Variants in GNAO1 observed in about 807,000 individuals in gnomAD.
GNAO1 encodes the protein guanine nucleotide-binding protein G(o) subunit alpha.
For missense variants in GNAO1, 166 were observed against 478.7 expected, an observed-to-expected ratio of 0.35 and a Z score of 6.10; for synonymous variants, 164 against 180.7, an observed-to-expected ratio of 0.91 and a Z score of 0.74.
intron 2 of GNAO1, among the ~76,000 whole-genome samples, chr16:56,247,622 A>G (rs1434416373): frequency 1.3e-5 from 2 of 151,730 alleles, no homozygotes; most frequent in South Asian, 2.1e-4. Context: ...AAATAATTGG[A>G]TTAGAATGGA....
chr16:56,254,376 G>A (rs2036827694), intron 2 of GNAO1, among the ~76,000 whole-genome samples: 1 of 151,888 alleles, frequency 6.6e-6, no homozygotes, highest in Admixed American at 6.6e-5. Flanking sequence ...AGTTTCTGAT[G>A]GTCATTAATG....
At chr16:56,278,610 A>G (rs2037086111) in intron 3 of GNAO1, among the ~76,000 whole-genome samples, 1 of 152,160 alleles carries the variant, frequency 6.6e-6, no homozygotes, top group African/African-American at 2.4e-5. Context: ...CCATGTTCTC[A>G]TGGAGCTTCC....
chr16:56,204,574 T>C (rs2036308633), intron 2 of GNAO1, among the ~76,000 whole-genome samples: 1 of 151,890 alleles, frequency 6.6e-6, no homozygotes, highest in African/African-American at 2.4e-5. Flanking sequence ...CCTGCCACAG[T>C]GGATCCCCAG....
intron 6 of GNAO1, chr16:56,345,812 G>A (rs967597135): frequency 3.0e-5 from 30 of 985,438 alleles, no homozygotes; most frequent in African/African-American, 1.0e-4. Flanking sequence ...CAGTTGTTCC[G>A]CTTACTCTGC....
intron 3 of GNAO1, among the ~76,000 whole-genome samples, chr16:56,285,971 C>T (rs571705892): frequency 1.4e-4 from 21 of 152,276 alleles, no homozygotes; most frequent in Non-Finnish European, 1.8e-4. Context: ...CCTAGGAAAC[C>T]AGGAAGGTAG....
chr16:56,250,744 C>T (rs868516401), intron 2 of GNAO1, among the ~76,000 whole-genome samples: 3 of 152,034 alleles, frequency 2.0e-5, no homozygotes, highest in Non-Finnish European at 4.4e-5. Context: ...ATGTTAACTT[C>T]ACTCTCAGGT....
chr16:56,284,872 A>G (rs1053942321), intron 3 of GNAO1, among the ~76,000 whole-genome samples: 10 of 152,212 alleles, frequency 6.6e-5, no homozygotes, highest in Admixed American at 6.5e-4. Context: ...GATGCAGAAT[A>G]TGCTTCTTTC....
intron 3 of GNAO1, among the ~76,000 whole-genome samples, chr16:56,297,186 G>C (rs1186951045): frequency 6.6e-6 from 1 of 152,110 alleles, no homozygotes; most frequent in Non-Finnish European, 1.5e-5. Flanking sequence ...GCTTGCTTGA[G>C]GCAAGATCCA....
intron 8 of GNAO1, chr16:56,355,559 T>C (rs1389589435): frequency 6.6e-6 from 1 of 152,256 alleles, no homozygotes; most frequent in Non-Finnish European, 1.5e-5. Context: ...TCCAGACCCT[T>C]TCAGAAATGG....
At chr16:56,296,989 G>C (rs2037293446) in intron 3 of GNAO1, among the ~76,000 whole-genome samples, 1 of 152,156 alleles carries the variant, frequency 6.6e-6, no homozygotes, top group South Asian at 2.1e-4. Flanking sequence ...CTCCCAGTTA[G>C]AGCCCTTTGG....
intron 2 of GNAO1, among the ~76,000 whole-genome samples, chr16:56,202,813 T>G (rs1246020251): frequency 6.6e-6 from 1 of 152,238 alleles, no homozygotes; most frequent in Non-Finnish European, 1.5e-5. Context: ...TTAAAACCAC[T>G]CATTTATTCA....
At position 56,295,022 on chromosome 16, in the gene GNAO1, A is replaced by G. The variant is rs189113460; in HGVS notation, c.303+18950A>G. 1.3e-4 allele frequency among the ~76,000 whole-genome samples: 20 copies of G among 152,178 alleles called. No individual in the cohort carries two copies. In the East Asian group the frequency reaches 2.7e-3, roughly 21 times the overall value. ...ATATCCCTGATACAAGTTCCTTGTC[A>G]GTTATATGTACTATTTCATATTTTC... On this transcript the variant is annotated intron_variant, in intron 3 of 8. Transcript: ENST00000262493.
At chr16:56,345,745 C>T in intron 6 of GNAO1, 3 of 985,566 alleles carry the variant, frequency 3.0e-6, no homozygotes, top group Non-Finnish European at 2.4e-6. Flanking sequence ...CTAAGCCATC[C>T]CGCCCAACAC....
In GNAO1 at chr16:56,346,597, C is replaced by T. The variant is rs1476786183; in HGVS notation, c.724-4787C>T. ...GCCTGAGGAGGGTGTGGGGTCTGCC[C>T]AGCCCCAAGCAGAGAGCACAGTCTG... On this transcript the variant is annotated intron_variant, in intron 6 of 8. Coordinates refer to ENST00000262493, the MANE Select transcript of GNAO1 (RefSeq NM_020988.3). 3 of 985,232 alleles carry T rather than the reference C, an allele frequency of 3.0e-6. No individual in the cohort carries two copies. In the East Asian group the frequency reaches 3.4e-4, roughly 112 times the overall value. The allele number at this position is 985,232 out of a possible 1,614,324, so 61.0% of individuals were successfully genotyped here.
At chr16:56,200,806 T>G (rs548061881) in intron 2 of GNAO1, among the ~76,000 whole-genome samples, 1 of 152,302 alleles carries the variant, frequency 6.6e-6, no homozygotes, top group African/African-American at 2.4e-5. Context: ...TCATCATATA[T>G]CACATTGATT....
intron 4 of GNAO1, among the ~76,000 whole-genome samples, chr16:56,332,318 A>G (rs1193447938): frequency 6.6e-6 from 1 of 151,868 alleles, no homozygotes; most frequent in Non-Finnish European, 1.5e-5. Context: ...TGGCCCCTCC[A>G]CGTGTGCTTC....
At chr16:56,213,889 G>A (rs2036415458) in intron 2 of GNAO1, among the ~76,000 whole-genome samples, 4 of 152,052 alleles carry the variant, frequency 2.6e-5, no homozygotes, top group Non-Finnish European at 1.5e-5. Flanking sequence ...CTCTGGGTGT[G>A]GTCTCACTAA....
At chr16:56,213,362 C>T (rs1192815684) in intron 2 of GNAO1, 1 of 398,426 alleles carries the variant, frequency 2.5e-6, no homozygotes, top group Non-Finnish European at 4.4e-6. Flanking sequence ...CTGGAGTGTT[C>T]TGACATTCTT....
intron 4 of GNAO1, among the ~76,000 whole-genome samples, chr16:56,329,686 C>G (rs2037670232): frequency 6.6e-6 from 1 of 152,212 alleles, no homozygotes; most frequent in African/African-American, 2.4e-5. Flanking sequence ...CCCATACATT[C>G]AGTGGGGGCT....
Sources: allele counts gnomAD v4.1 joint callset (sites outside exome capture counted in the v4.1 genomes callset), GRCh38; gene constraint gnomAD v4.1.1; transcripts MANE v1.5; gene names NCBI Gene and HGNC (gene_info 2026-07-23, HGNC 2026-07-21).